MYO3A: variants seen among roughly 807,000 people sequenced by gnomAD.
The protein encoded by MYO3A is myosin-IIIa.
MYO3A carries 180 observed loss-of-function variants against 192.7 expected under a neutral mutation model. That is an observed-to-expected ratio of 0.93 (90% CI 0.83 to 1.06). The LOEUF is 1.06. Among genes scored for constraint, MYO3A ranks in the 50% least tolerant of loss-of-function variants. The probability of loss-of-function intolerance (pLI) is 0.00; values close to 1 mark genes in which losing one functional copy is unlikely to be tolerated. For missense variants in MYO3A, 1,896 were observed against 1,905.0 expected, an observed-to-expected ratio of 1.00 and a Z score of 0.09; for synonymous variants, 628 against 645.3, an observed-to-expected ratio of 0.97 and a Z score of 0.41.
intron 34 of MYO3A, among the ~76,000 whole-genome samples, chr10:26,210,585 C>G (rs978457240): frequency 6.6e-6 from 1 of 152,210 alleles, no homozygotes; most frequent in Non-Finnish European, 1.5e-5. Flanking sequence ...CTACTTTCAT[C>G]CTGGCAGACA....
At chr10:26,200,425 G>T (rs929751006) in intron 32 of MYO3A, among the ~76,000 whole-genome samples, 18 of 152,154 alleles carry the variant, frequency 1.2e-4, no homozygotes, top group African/African-American at 4.3e-4. Flanking sequence ...TCTTCAGTTT[G>T]TTCAAGGTGA....
At chr10:26,119,579 G>A (rs999791272) in intron 17 of MYO3A, among the ~76,000 whole-genome samples, 1 of 152,072 alleles carries the variant, frequency 6.6e-6, no homozygotes, top group Admixed American at 6.6e-5. Context: ...TGGAATATGG[G>A]AGTGAATGGA....
At chr10:26,079,345 T>C (rs1164101626) in intron 14 of MYO3A, among the ~76,000 whole-genome samples, 1 of 152,202 alleles carries the variant, frequency 6.6e-6, no homozygotes, top group Non-Finnish European at 1.5e-5. Flanking sequence ...TCCATTTGCA[T>C]GAAATGCCTT....
At chr10:26,180,201 G>A (rs1842555158) in intron 31 of MYO3A, among the ~76,000 whole-genome samples, 1 of 152,102 alleles carries the variant, frequency 6.6e-6, no homozygotes, top group Admixed American at 6.6e-5. Flanking sequence ...GAATGCAATA[G>A]TACATTAAAA....
chr10:26,054,644 G>T (rs1371506058), intron 10 of MYO3A, among the ~76,000 whole-genome samples: 1 of 152,164 alleles, frequency 6.6e-6, no homozygotes, highest in Non-Finnish European at 1.5e-5. Flanking sequence ...TAGTGGCCGG[G>T]CCCTAAATAT....
At chr10:26,069,033 A>G (rs746429293) in intron 12 of MYO3A, 149 bp downstream of exon 12, 1 of 593,352 alleles carries the variant, frequency 1.7e-6, no homozygotes, top group Non-Finnish European at 3.1e-6. Context: ...ACTAGGAAAA[A>G]TAGAAGATAG....
chr10:26,112,875 G>A (rs1313993244), intron 17 of MYO3A, among the ~76,000 whole-genome samples: 1 of 152,176 alleles, frequency 6.6e-6, no homozygotes, highest in East Asian at 1.9e-4. Context: ...ATGATTCATA[G>A]TAGTTTGATG....
intron 10 of MYO3A, among the ~76,000 whole-genome samples, chr10:26,053,337 A>G (rs1844119123): frequency 1.3e-5 from 2 of 152,350 alleles, no homozygotes; most frequent in Admixed American, 6.5e-5. Flanking sequence ...AGTAAAGGCA[A>G]ACTATTCACT....
chr10:26,169,826 A>G (rs1841954242), intron 28 of MYO3A, among the ~76,000 whole-genome samples: 1 of 152,240 alleles, frequency 6.6e-6, no homozygotes, highest in Non-Finnish European at 1.5e-5. Context: ...AAGCTCTGAT[A>G]AAAAGGTTCT....
Position 26,211,920 on chromosome 10 carries a change from T to C in MYO3A, c.4808T>C (p.Leu1603Pro). Residue 1603 changes from leucine (L) to proline (P), a missense_variant, in exon 35 of 35, where the codon CTG becomes CCG. By Grantham distance (98) the Leu-to-Pro change is moderately conservative (BLOSUM62 -3). Coordinates refer to ENST00000642920, the MANE Select transcript of MYO3A (RefSeq NM_017433.5). Reference protein sequence around the residue: ...AANPYDFRRLLRKTSQRRRLV... With the variant: ...AANPYDFRRLPRKTSQRRRLV... ...AACCCCTACGACTTCAGGAGGCTCC[T>C]GCGCAAAACCTCCCAGCGCCGGCGC... The C allele has an allele frequency of 6.2e-7, 1 of 1,614,002 alleles. No homozygotes were observed. The highest frequency in any genetic ancestry group is 2.2e-5 in the East Asian group (1 of 44,864).
chr10:26,137,018 A>T (rs1285366591), intron 20 of MYO3A, among the ~76,000 whole-genome samples: 1 of 138,572 alleles, frequency 7.2e-6, no homozygotes, highest in East Asian at 2.1e-4. Flanking sequence ...ACTCTGTCTC[A>T]AAAAACAAAA....
chr10:26,081,133 T>TCCCCCCCCTTCCCCCCCCCCCCCCCCCC (rs1835906244), intron 14 of MYO3A, among the ~76,000 whole-genome samples: 1 of 84,940 alleles, frequency 1.2e-5, no homozygotes, highest in African/African-American at 4.2e-5. Context: ...TATATGCCCT[T>TCCCCCCCCTTCCCCCCCCCCCCCCCCCC]CCCCCCCCCC....
intron 4 of MYO3A, among the ~76,000 whole-genome samples, chr10:25,955,569 T>G (rs1837487124): frequency 6.6e-6 from 1 of 152,024 alleles, no homozygotes; most frequent in African/African-American, 2.4e-5. Flanking sequence ...ATCCTGAGAG[T>G]AGTTTTTCTT....
At chr10:26,063,851 T>C (rs921646569) in intron 10 of MYO3A, among the ~76,000 whole-genome samples, 2 of 152,240 alleles carry the variant, frequency 1.3e-5, no homozygotes, top group African/African-American at 4.8e-5. Context: ...GCGTATTTTC[T>C]GGCAAATACA....
intron 10 of MYO3A, among the ~76,000 whole-genome samples, chr10:26,037,402 T>C (rs756306378): frequency 2.0e-5 from 3 of 152,208 alleles, no homozygotes; most frequent in Non-Finnish European, 2.9e-5. Context: ...TATTTATTAC[T>C]TACTGTGAGA....
At chr10:26,073,658 ATAAATAAAT>A (rs1444898838) in intron 14 of MYO3A, among the ~76,000 whole-genome samples, 2 of 113,040 alleles carry the variant, frequency 1.8e-5, no homozygotes, top group Non-Finnish European at 2.2e-5. Context: ...ATGATAATAA[ATAAATAAAT>A]AAATAATTAT....
intron 15 of MYO3A, among the ~76,000 whole-genome samples, chr10:26,090,902 G>A (rs956452023): frequency 6.6e-6 from 1 of 152,242 alleles, no homozygotes; most frequent in Non-Finnish European, 1.5e-5. Context: ...GGGAGGGGCA[G>A]CACTAGTGCC....
At chr10:25,988,073 C>A (rs1004648200) in intron 4 of MYO3A, among the ~76,000 whole-genome samples, 6 of 152,056 alleles carry the variant, frequency 3.9e-5, no homozygotes, top group African/African-American at 1.2e-4. Context: ...GAATTGGAGA[C>A]CATTATTCTA....
intron 31 of MYO3A, among the ~76,000 whole-genome samples, chr10:26,178,790 G>A (rs1842458209): frequency 6.6e-6 from 1 of 151,576 alleles, no homozygotes. Context: ...TGCTTTAAAT[G>A]TTTATTTATT....
Sources: allele counts gnomAD v4.1 joint callset (sites outside exome capture counted in the v4.1 genomes callset), GRCh38; gene constraint gnomAD v4.1.1; transcripts MANE v1.5; gene names NCBI Gene and HGNC (gene_info 2026-07-23, HGNC 2026-07-21).